Variants in DNAAF9 observed in about 807,000 individuals in gnomAD.
DNAAF9 encodes dynein axonemal assembly factor 9.
In DNAAF9, 90 loss-of-function variants were observed where a neutral mutation model predicts 167.0. The observed-to-expected ratio is 0.54, with a 90% CI of 0.45 to 0.64. The LOEUF is 0.64. DNAAF9 is among the 30% of genes least tolerant of loss of function. The pLI is 0.00. For missense variants in DNAAF9, 1,315 were observed against 1,442.2 expected (o/e 0.91, Z 1.43); for synonymous variants, 491 against 508.8 (o/e 0.96, Z 0.47).
chr20:3,336,255 T>TG (rs1302755600), intron 10 of DNAAF9, among the ~76,000 whole-genome samples: 7 of 120,206 alleles, frequency 5.8e-5, no homozygotes, highest in Non-Finnish European at 1.2e-4. Context: ...GTTTTGCGTT[T>TG]TTGTTTTTTT....
chr20:3,306,817 C>A, intron 20 of DNAAF9: 1 of 726,718 alleles, frequency 1.4e-6, no homozygotes, highest in Non-Finnish European at 1.7e-6. Context: ...AGAGCTCATC[C>A]CAGACCTTCA....
At chr20:3,270,742 C>G (rs771352234) in intron 29 of DNAAF9, among the ~76,000 whole-genome samples, 180 bp from the exon 30 acceptor site, 6 of 152,118 alleles carry the variant, frequency 3.9e-5, no homozygotes, top group Non-Finnish European at 8.8e-5. Context: ...CTTCCCGGCA[C>G]TGCCACCTCT....
At chr20:3,380,657 T>A (rs957612028) in intron 3 of DNAAF9, among the ~76,000 whole-genome samples, 1 of 152,196 alleles carries the variant, frequency 6.6e-6, no homozygotes, top group African/African-American at 2.4e-5. Flanking sequence ...TTATTTCACA[T>A]CAGATGTTTG....
At chr20:3,260,107 A>G (rs561819153) in intron 31 of DNAAF9, 79 bp from the exon 32 acceptor site, 48 of 727,432 alleles carry the variant, frequency 6.6e-5, no homozygotes, top group Non-Finnish European at 4.2e-5. Flanking sequence ...TGGGAGGCCG[A>G]GGCGGGTGGA....
intron 14 of DNAAF9, among the ~76,000 whole-genome samples, chr20:3,323,008 T>A (rs2069643730): frequency 6.6e-6 from 1 of 151,852 alleles, no homozygotes; most frequent in Non-Finnish European, 1.5e-5. Context: ...TGACCCTCCA[T>A]CCCTGCTCTG....
At chr20:3,364,954 T>C (rs1408641218) in intron 6 of DNAAF9, among the ~76,000 whole-genome samples, 5 of 151,042 alleles carry the variant, frequency 3.3e-5, no homozygotes, top group African/African-American at 4.9e-5. Context: ...TTTCTTTTTT[T>C]TTTTTTTGAA....
At chr20:3,300,480 A>T (rs2122967122) in intron 21 of DNAAF9, among the ~76,000 whole-genome samples, 1 of 151,438 alleles carries the variant, frequency 6.6e-6, no homozygotes. Flanking sequence ...ACAGGGTCTC[A>T]CTCTGTTGCT....
chr20:3,322,355 G>T, intron 15 of DNAAF9, 93 bp from the exon 16 acceptor site: 2 of 1,013,924 alleles, frequency 2.0e-6, no homozygotes, highest in Non-Finnish European at 3.1e-6. Context: ...GCAATGACAA[G>T]TCATAGATTC....
At chr20:3,339,908 C>A (rs77813642) in intron 10 of DNAAF9, among the ~76,000 whole-genome samples, 1 of 152,082 alleles carries the variant, frequency 6.6e-6, no homozygotes, top group South Asian at 2.1e-4. Flanking sequence ...AACAAACAAA[C>A]AAAAAAACTA....
At chr20:3,364,943 T>TC (rs1408346079) in intron 6 of DNAAF9, among the ~76,000 whole-genome samples, 3 of 147,602 alleles carry the variant, frequency 2.0e-5, no homozygotes, top group African/African-American at 4.9e-5. Flanking sequence ...TCTTTTCCTT[T>TC]TTTCTTTTTT....
chr20:3,256,672 G>A (rs1056915935), intron 33 of DNAAF9, among the ~76,000 whole-genome samples: 2 of 152,216 alleles, frequency 1.3e-5, no homozygotes, highest in Admixed American at 6.5e-5. Flanking sequence ...GGGAGAAGAG[G>A]AAGAGTTTGA....
At chr20:3,260,744 C>T (rs1335716315) in intron 31 of DNAAF9, among the ~76,000 whole-genome samples, 2 of 152,080 alleles carry the variant, frequency 1.3e-5, no homozygotes, top group African/African-American at 4.8e-5. Context: ...ATTCTCCTGC[C>T]TCAGCCTCCT....
intron 23 of DNAAF9, 69 bp downstream of exon 23, chr20:3,296,792 G>T: frequency 2.1e-6 from 2 of 951,150 alleles, no homozygotes; most frequent in Non-Finnish European, 3.4e-6. Flanking sequence ...ATAATGCGAG[G>T]CATCCTGCAG....
intron 10 of DNAAF9, among the ~76,000 whole-genome samples, chr20:3,332,971 T>G (rs1868480664): frequency 6.6e-6 from 1 of 151,044 alleles, no homozygotes; most frequent in African/African-American, 2.4e-5. Context: ...AGGGTGCTGT[T>G]GGATACTCAG....
chr20:3,395,978 G>A (rs1212814986), intron 1 of DNAAF9, among the ~76,000 whole-genome samples: 1 of 152,118 alleles, frequency 6.6e-6, no homozygotes, highest in African/African-American at 2.4e-5. Flanking sequence ...CTTTCCCTGT[G>A]CTGTTCCCAT....
chr20:3,341,147 C>T (rs2070077245), intron 9 of DNAAF9, among the ~76,000 whole-genome samples: 1 of 152,046 alleles, frequency 6.6e-6, no homozygotes, highest in African/African-American at 2.4e-5. Context: ...TCCTCCCTGT[C>T]CTCTTGGCTG....
chr20:3,379,688 T>A (rs777190103), intron 3 of DNAAF9, among the ~76,000 whole-genome samples: 1 of 152,250 alleles, frequency 6.6e-6, no homozygotes, highest in Admixed American at 6.5e-5. Flanking sequence ...TGATCTCTGC[T>A]TTCCAACTAC....
intron 23 of DNAAF9, 167 bp downstream of exon 23, chr20:3,296,694 T>G (rs2069086049): frequency 1.6e-6 from 1 of 637,782 alleles, no homozygotes; most frequent in South Asian, 2.0e-5. Context: ...TCTTGCCTTC[T>G]ATTCCCCCAA....
intron 4 of DNAAF9, among the ~76,000 whole-genome samples, chr20:3,375,880 G>A (rs1173037997): frequency 2.0e-5 from 3 of 152,030 alleles, no homozygotes; most frequent in East Asian, 1.9e-4. Flanking sequence ...GCAGTCCCTA[G>A]GCACTAATCC....
Sources: allele counts gnomAD v4.1 joint callset (sites outside exome capture counted in the v4.1 genomes callset), GRCh38; gene constraint gnomAD v4.1.1; transcripts MANE v1.5; gene names NCBI Gene and HGNC (gene_info 2026-07-23, HGNC 2026-07-21).